Variants in EYA3 observed in about 807,000 individuals in gnomAD.
The protein encoded by EYA3 is protein phosphatase EYA3.
EYA3 carries 39 observed loss-of-function variants against 80.0 expected under a neutral mutation model. The observed-to-expected ratio is 0.49, with a 90% CI of 0.38 to 0.64. The LOEUF (loss-of-function observed/expected upper bound fraction) is 0.64. EYA3 is among the 30% of genes least tolerant of loss of function. The pLI, the probability that EYA3 is intolerant of heterozygous loss-of-function variation, is 0.00. For synonymous variants in EYA3, 206 were observed against 232.8 expected, an observed-to-expected ratio of 0.88 and a Z score of 1.05; for missense variants, 523 against 676.1, an observed-to-expected ratio of 0.77 and a Z score of 2.51.
In EYA3 at chr1:28,009,770, T is replaced by C. The variant is rs926280057; in HGVS notation, c.909+1177A>G. ...AGAATAAGAAGTCAAAGACAGAAAG[T>C]AGAATAGAGGTTACCAGAGGTTAGA... On this transcript the variant is annotated intron_variant, in intron 10 of 17. Coordinates refer to ENST00000373871, the MANE Select transcript of EYA3 (RefSeq NM_001990.4). This position sits in a 1 kb window ranked among gnomAD's most constrained non-coding sequence, Gnocchi z 4.8. 3.9e-5 allele frequency among the ~76,000 whole-genome samples: 6 copies of C among 152,028 alleles called. No homozygotes were observed. Among genetic ancestry groups the C allele is most frequent in the African/African-American group, 1.2e-4 (5 of 41,372 alleles).
At chr1:27,983,300 A>G (rs918018656) in intron 16 of EYA3, among the ~76,000 whole-genome samples, 2 of 152,222 alleles carry the variant, frequency 1.3e-5, no homozygotes, top group Non-Finnish European at 2.9e-5. Flanking sequence ...AAGTATATAT[A>G]TATCTTAAAA....
At chr1:28,023,941 T>TA (rs1195085004) in intron 7 of EYA3, among the ~76,000 whole-genome samples, 1 of 151,982 alleles carries the variant, frequency 6.6e-6, no homozygotes, top group Non-Finnish European at 1.5e-5. Flanking sequence ...AAATTATTAA[T>TA]AAAAAATAAA....
chr1:28,048,146 A>G (rs947994425), intron 3 of EYA3, among the ~76,000 whole-genome samples: 1 of 152,218 alleles, frequency 6.6e-6, no homozygotes, highest in Non-Finnish European at 1.5e-5. Context: ...ATACAACATG[A>G]GTTTGGTACA....
chr1:28,003,231 T>C (rs1033160047), intron 11 of EYA3, among the ~76,000 whole-genome samples: 7 of 151,458 alleles, frequency 4.6e-5, no homozygotes, highest in African/African-American at 1.5e-4. Context: ...GATCACGCCA[T>C]TGCACTCCAG....
chr1:28,021,206 CA>C (rs1329053352), intron 7 of EYA3, among the ~76,000 whole-genome samples: 1 of 152,218 alleles, frequency 6.6e-6, no homozygotes, highest in Non-Finnish European at 1.5e-5. Context: ...CAAAACCGGA[CA>C]AGCTCTTTAT....
rs550587251 is a variant in EYA3, at chr1:27,972,655, G to A, written c.*1811C>T. 1 of 152,258 alleles carries A rather than the reference G, an allele frequency of 6.6e-6. No homozygotes were observed. Among genetic ancestry groups the A allele is most frequent in the South Asian group, 2.1e-4 (1 of 4,832 alleles). 9.4% of individuals were successfully genotyped at this position (152,258 alleles called of 1,614,324 possible). On this transcript the variant is annotated 3_prime_UTR_variant, in exon 18 of 18. Transcript: ENST00000373871. ...GACCAATCCTGCATCTCAATCTGAG[G>A]TGCTTGTATCATCTCTCTCTGTGTA...
chr1:28,000,097 T>TACTTCAAAACACA, intron 11 of EYA3, 48 bp from the exon 12 acceptor site: 1 of 1,383,400 alleles, frequency 7.2e-7, no homozygotes, highest in African/African-American at 1.4e-5. Flanking sequence ...GTCACAGTCC[T>TACTTCAAAACACA]GGTTCTAATC....
chr1:27,998,650 G>A (rs1017817939), intron 12 of EYA3, among the ~76,000 whole-genome samples: 2 of 150,368 alleles, frequency 1.3e-5, no homozygotes, highest in Non-Finnish European at 3.0e-5. Context: ...AAGGTGGGAG[G>A]ATCACTTGAG....
chr1:27,989,457 C>A (rs542868166), intron 15 of EYA3, among the ~76,000 whole-genome samples: 1 of 152,074 alleles, frequency 6.6e-6, no homozygotes, highest in South Asian at 2.1e-4. Flanking sequence ...GTTTTAATTT[C>A]GTGAGCAAAA....
intron 6 of EYA3, among the ~76,000 whole-genome samples, chr1:28,029,739 G>GT (rs1643013213): frequency 1.3e-5 from 2 of 151,952 alleles, no homozygotes; most frequent in African/African-American, 2.4e-5. Context: ...GGGATTACAG[G>GT]TATGTACCAC....
intron 1 of EYA3, among the ~76,000 whole-genome samples, chr1:28,068,092 T>C (rs113485733): frequency 0.04 from 6,074 of 152,166 alleles, 139 homozygotes; most frequent in Middle Eastern, 0.054. Flanking sequence ...TCCCAGCACT[T>C]TGGGAGGCTG....
At chr1:28,062,960 C>A (rs1302153348) in intron 1 of EYA3, among the ~76,000 whole-genome samples, 2 of 150,764 alleles carry the variant, frequency 1.3e-5, no homozygotes, top group African/African-American at 2.4e-5. Flanking sequence ...CGAGATTGCA[C>A]CACTGCACTC....
intron 10 of EYA3, among the ~76,000 whole-genome samples, chr1:28,007,219 C>T (rs1641347683): frequency 6.6e-6 from 1 of 151,756 alleles, no homozygotes; most frequent in Admixed American, 6.6e-5. Flanking sequence ...GGATTAGAGG[C>T]GTGAGCCACT....
intron 1 of EYA3, among the ~76,000 whole-genome samples, chr1:28,075,830 G>T (rs143872260): frequency 1.2e-3 from 183 of 151,998 alleles, no homozygotes; most frequent in African/African-American, 4.3e-3. Context: ...CAACAATTTG[G>T]TCTCACTGTT....
chr1:28,014,253 C>G (rs974904683), intron 8 of EYA3, among the ~76,000 whole-genome samples: 2 of 151,530 alleles, frequency 1.3e-5, no homozygotes, highest in African/African-American at 2.4e-5. Flanking sequence ...CTTCTCTCTA[C>G]TAAAAATACA....
intron 7 of EYA3, among the ~76,000 whole-genome samples, chr1:28,018,237 C>T (rs555536869): frequency 2.0e-5 from 3 of 151,968 alleles, no homozygotes; most frequent in Admixed American, 6.6e-5. Flanking sequence ...AAAGAAAATG[C>T]TGATTTCCAT....
intron 7 of EYA3, among the ~76,000 whole-genome samples, chr1:28,022,818 C>T (rs1261022049): frequency 6.6e-6 from 1 of 151,962 alleles, no homozygotes; most frequent in Non-Finnish European, 1.5e-5. Context: ...AAGGCTCAGG[C>T]GATCCTCCCA....
At chr1:28,017,273 A>G (rs919593129) in intron 7 of EYA3, 34 bp from the exon 8 acceptor site, 11 of 1,493,794 alleles carry the variant, frequency 7.4e-6, no homozygotes, top group Non-Finnish European at 9.3e-6. Context: ...GATATTAAAG[A>G]TATTATGTAA....
chr1:27,977,684 C>T (rs143017049), intron 17 of EYA3, among the ~76,000 whole-genome samples: 3,316 of 151,944 alleles, frequency 0.022, 95 homozygotes, highest in African/African-American at 0.067. Context: ...CCCGTCTCTA[C>T]TAAAAATACA....
Sources: gnomAD v4.1 joint callset for allele counts (sites outside exome capture counted in the v4.1 genomes callset) on GRCh38, gnomAD v4.1.1 for gene constraint, Gnocchi (gnomAD v3.1) non-coding constraint, MANE v1.5 for transcripts, NCBI Gene and HGNC (gene_info 2026-07-23, HGNC 2026-07-21) for gene names.